The following RABGAP1 variants were observed in gnomAD, a reference collection of about 807,000 sequenced individuals.
RABGAP1 encodes the protein rab GTPase-activating protein 1.
In RABGAP1, 23 loss-of-function variants were observed where a neutral mutation model predicts 137.6. The observed-to-expected ratio is 0.17, with a 90% CI of 0.12 to 0.24. The LOEUF is 0.24. RABGAP1 is among the 10% of genes least tolerant of loss of function. The pLI, the probability that RABGAP1 is intolerant of heterozygous loss-of-function variation, is 1.00. For synonymous variants in RABGAP1, 451 were observed against 450.7 expected, an observed-to-expected ratio of 1.00 and a Z score of -0.01; for missense variants, 906 against 1,275.8, an observed-to-expected ratio of 0.71 and a Z score of 4.42.
At position 123,084,601 on chromosome 9, in the gene RABGAP1, T is replaced by C. The variant is rs561485354; in HGVS notation, c.2425-5157T>C. Among the ~76,000 whole-genome samples the C allele has an allele frequency of 2.0e-5, 3 of 152,334 alleles. No individual in the cohort carries two copies. The South Asian group carries it at 6.2e-4, about 32-fold the overall frequency. On this transcript the variant is annotated intron_variant, in intron 19 of 25. Transcript: ENST00000373647. The stretch of plus-strand genomic sequence containing the variant: ...GAGGGTAGCCTGTTTCATGCTTTTC[T>C]GTGTTAAATTGACTTTGTTTAAAAT...
intron 1 of RABGAP1, chr9:122,945,864 T>C (rs1833921838): frequency 2.0e-5 from 3 of 152,212 alleles, no homozygotes; most frequent in Non-Finnish European, 4.4e-5. Context: ...TTTTCCCTTA[T>C]TTATGCATTT....
chr9:122,940,990 A>C (rs1478312527), upstream of RABGAP1: 5 of 7,182 alleles, frequency 7.0e-4, no homozygotes, highest in African/African-American at 2.4e-3. Flanking sequence ...CTCTCACGTG[A>C]GTAAAGGGGT....
chr9:123,020,390 C>G lies in RABGAP1; in HGVS notation c.1725C>G (p.Val575=), dbSNP rs2031547977. The G allele has an allele frequency of 6.2e-7, 1 of 1,607,506 alleles. No individual in the cohort carries two copies. The highest frequency in any genetic ancestry group is 8.5e-7 in the Non-Finnish European group (1 of 1,176,738). The change falls in exon 13 of 26, where the codon GTC becomes GTG. Residue 575 remains valine (V), a synonymous_variant. Transcript: ENST00000373647. ...NGVPEALRGE[V]WQLLAGCHNN... ...TCCCTGAAGCTCTTCGAGGAGAAGT[C>G]TGGCAGCTGCTAGCAGGCTGTCATA... is the stretch of plus-strand genomic sequence containing the variant.
At chr9:122,972,500 G>A (rs1431959554) in intron 2 of RABGAP1, among the ~76,000 whole-genome samples, 1 of 152,116 alleles carries the variant, frequency 6.6e-6, no homozygotes, top group East Asian at 1.9e-4. Flanking sequence ...CTTAGGACAG[G>A]AGTAGCAGCT....
intron 12 of RABGAP1, among the ~76,000 whole-genome samples, chr9:123,018,847 C>T (rs1040778796): frequency 3.3e-5 from 5 of 152,188 alleles, no homozygotes; most frequent in Non-Finnish European, 2.9e-5. Flanking sequence ...CTTCTGCTTA[C>T]GTCTGATAGC....
intron 11 of RABGAP1, among the ~76,000 whole-genome samples, chr9:123,013,362 C>T (rs1264343069): frequency 1.3e-5 from 2 of 150,182 alleles, no homozygotes; most frequent in East Asian, 1.9e-4. Context: ...GATGGAGTCT[C>T]GCTGTGTCAC....
At chr9:122,988,364 G>A (rs1374922886) in intron 4 of RABGAP1, among the ~76,000 whole-genome samples, 1 of 152,096 alleles carries the variant, frequency 6.6e-6, no homozygotes. Flanking sequence ...ACCTTCCATA[G>A]TTGTGCCTTA....
intron 13 of RABGAP1, among the ~76,000 whole-genome samples, chr9:123,063,988 A>G (rs2034076450): frequency 2.0e-5 from 3 of 152,036 alleles, no homozygotes; most frequent in Admixed American, 6.6e-5. Context: ...CTACCCTACA[A>G]TTCTAGCTAC....
At chr9:123,073,526 C>T (rs2034422199) in intron 15 of RABGAP1, 26 bp from the exon 16 acceptor site, 2 of 1,601,776 alleles carry the variant, frequency 1.2e-6, no homozygotes, top group East Asian at 4.5e-5. Flanking sequence ...ATCCTCCCTA[C>T]CCAACAACTT....
At chr9:123,038,611 G>A (rs755774475) in intron 13 of RABGAP1, among the ~76,000 whole-genome samples, 8 of 152,204 alleles carry the variant, frequency 5.3e-5, no homozygotes, top group South Asian at 2.1e-4. Context: ...TGTTACATGA[G>A]CAAATTTTGG....
At chr9:123,088,539 T>C (rs1437320532) in intron 19 of RABGAP1, among the ~76,000 whole-genome samples, 2 of 152,054 alleles carry the variant, frequency 1.3e-5, no homozygotes, top group African/African-American at 4.8e-5. Flanking sequence ...AAAATAAAAA[T>C]CAGCCAGGTG....
chr9:122,975,532 C>T (rs1219806955), intron 2 of RABGAP1, among the ~76,000 whole-genome samples: 1 of 152,158 alleles, frequency 6.6e-6, no homozygotes, highest in African/African-American at 2.4e-5. Flanking sequence ...CAGTATGCTG[C>T]TTTTGTACAT....
intron 10 of RABGAP1, among the ~76,000 whole-genome samples, chr9:123,003,696 A>G (rs1451772945): frequency 1.3e-5 from 2 of 152,208 alleles, no homozygotes; most frequent in African/African-American, 4.8e-5. Context: ...TTATATTAAG[A>G]TAGCATCATA....
chr9:122,949,133 G>C (rs1249923374), intron 1 of RABGAP1, among the ~76,000 whole-genome samples: 1 of 151,900 alleles, frequency 6.6e-6, no homozygotes, highest in African/African-American at 2.4e-5. Flanking sequence ...CCCAGCACTT[G>C]GGGAGGCTGA....
chr9:122,953,060 A>G (rs977305914), intron 1 of RABGAP1, among the ~76,000 whole-genome samples: 1 of 152,224 alleles, frequency 6.6e-6, no homozygotes, highest in African/African-American at 2.4e-5. Context: ...AAATTAGGAA[A>G]TTAATTTATT....
chr9:123,103,010 T>C, intron 25 of RABGAP1, 81 bp from the exon 26 acceptor site: 1 of 1,530,508 alleles, frequency 6.5e-7, no homozygotes, highest in Non-Finnish European at 8.8e-7. Context: ...ATAGACTGCA[T>C]TCTTGTCTTG....
At chr9:122,936,171 A>T (rs1833384964), upstream of RABGAP1, among the ~76,000 whole-genome samples, 1 of 152,076 alleles carries the variant, frequency 6.6e-6, no homozygotes. Flanking sequence ...CATGTTGTTA[A>T]TAGAGTTTGG....
chr9:122,934,453 C>T, the RABGAP1 span, among the ~76,000 whole-genome samples: 2 of 152,118 alleles, frequency 1.3e-5, no homozygotes, highest in African/African-American at 4.8e-5. Flanking sequence ...TTAGTTGGAG[C>T]ATGTGGATTG....
At position 122,943,303 on chromosome 9, in the gene RABGAP1, A is replaced by G. The variant is rs1333730893; in HGVS notation, c.-50+2210A>G. ...AGGCTGGTCTTGAACTCCTGACCTC[A>G]GGTGATCCACCTGCCTCAGCCTCCC... On this transcript the variant is annotated intron_variant, in intron 1 of 25. Transcript: ENST00000373647. 2.0e-5 allele frequency among the ~76,000 whole-genome samples: 3 copies of G among 151,968 alleles called. No homozygotes were observed. In the East Asian group the frequency reaches 5.8e-4, roughly 30 times the overall value.
Sources: gnomAD v4.1 joint callset for allele counts (sites outside exome capture counted in the v4.1 genomes callset) on GRCh38, gnomAD v4.1.1 for gene constraint, MANE v1.5 for transcripts, NCBI Gene and HGNC (gene_info 2026-07-23, HGNC 2026-07-21) for gene names.